CAPS2: variants seen among roughly 807,000 people sequenced by gnomAD.
The protein encoded by CAPS2 is calcyphosin-2.
Under a neutral mutation model 86.5 loss-of-function variants are expected in CAPS2, and 98 were observed. That is an observed-to-expected ratio of 1.13 (90% CI 0.96 to 1.34). The LOEUF (loss-of-function observed/expected upper bound fraction) is 1.34, where lower values mean the gene tolerates loss of function less well. Ranked by LOEUF, CAPS2 falls within the 40% of genes most tolerant of loss-of-function variation. The pLI, the probability that CAPS2 is intolerant of heterozygous loss-of-function variation, is 0.00. For synonymous variants in CAPS2, 210 were observed against 225.1 expected, an observed-to-expected ratio of 0.93 and a Z score of 0.60; for missense variants, 729 against 686.8, an observed-to-expected ratio of 1.06 and a Z score of -0.69.
intron 1 of CAPS2, among the ~76,000 whole-genome samples, chr12:75,350,191 G>C (rs1462493038): frequency 6.6e-6 from 1 of 152,248 alleles, no homozygotes. Flanking sequence ...GCCTACCTGA[G>C]GGATTTTCAG....
At position 75,296,385 on chromosome 12, in the gene CAPS2, G is replaced by T. The variant is rs188792206; in HGVS notation, c.1044+2302C>A. The stretch of plus-strand genomic sequence containing the variant: ...CAGCTCACTGCAAGCTCCGCCTCCT[G>T]GGTTCACGCCATTCTCCTGCCTCAG... On this transcript the variant is annotated intron_variant, in intron 11 of 16. Coordinates refer to ENST00000393284, the Ensembl canonical transcript of CAPS2. 1.3e-3 allele frequency among the ~76,000 whole-genome samples: 193 copies of T among 152,074 alleles called. 2 individuals carry two copies. Among genetic ancestry groups the T allele is most frequent in the African/African-American group, 4.4e-3 (181 of 41,458 alleles).
intron 11 of CAPS2, among the ~76,000 whole-genome samples, chr12:75,297,328 G>C: frequency 6.6e-6 from 1 of 152,174 alleles, no homozygotes; most frequent in East Asian, 1.9e-4. Flanking sequence ...AGTGTCATAT[G>C]TATAGTGTAT....
intron 1 of CAPS2, among the ~76,000 whole-genome samples, chr12:75,355,778 C>A (rs2043117876): frequency 6.6e-6 from 1 of 152,126 alleles, no homozygotes; most frequent in South Asian, 2.1e-4. Flanking sequence ...ACATATACAA[C>A]ATGGAATACT....
chr12:75,370,574 T>G (rs1419797400), intron 1 of CAPS2: 1 of 155,546 alleles, frequency 6.4e-6, no homozygotes, highest in Non-Finnish European at 1.4e-5. Flanking sequence ...CTGAGGAAAG[T>G]TTTTTCAGAT....
chr12:75,304,912 T>A (rs773110136), intron 7 of CAPS2, 36 bp from the exon 8 acceptor site: 3 of 1,593,190 alleles, frequency 1.9e-6, no homozygotes, highest in Non-Finnish European at 2.6e-6. Context: ...CAATTAAATA[T>A]GATCATGCAT....
intron 7 of CAPS2, among the ~76,000 whole-genome samples, chr12:75,305,265 A>C (rs1189616870): frequency 2.6e-5 from 4 of 152,224 alleles, no homozygotes; most frequent in Admixed American, 2.0e-4. Context: ...CAAACATAGA[A>C]GAGAATACCT....
At chr12:75,365,696 A>G (rs536238822) in intron 1 of CAPS2, among the ~76,000 whole-genome samples, 1 of 152,266 alleles carries the variant, frequency 6.6e-6, no homozygotes, top group Non-Finnish European at 1.5e-5. Flanking sequence ...CTCATTATTT[A>G]ATAGTTCACC....
At chr12:75,390,799 C>T (rs1593985342) in intron 1 of CAPS2, 3 of 557,366 alleles carry the variant, frequency 5.4e-6, no homozygotes, top group East Asian at 9.0e-5. Flanking sequence ...TTCGGGATAA[C>T]ATTTCACTAC....
At chr12:75,320,770 C>T (rs1453940890) in intron 5 of CAPS2, among the ~76,000 whole-genome samples, 1 of 151,778 alleles carries the variant, frequency 6.6e-6, no homozygotes, top group South Asian at 2.1e-4. Context: ...TTTATGGCCA[C>T]TAGTATCATG....
intron 1 of CAPS2, among the ~76,000 whole-genome samples, chr12:75,355,915 G>A (rs1354522455): frequency 1.3e-5 from 2 of 152,178 alleles, no homozygotes; most frequent in African/African-American, 4.8e-5. Flanking sequence ...ATTTACAAAT[G>A]GGAGCTGAAC....
At chr12:75,323,125 G>T in intron 3 of CAPS2, 52 bp downstream of exon 4, 1 of 1,480,768 alleles carries the variant, frequency 6.8e-7, no homozygotes, top group Non-Finnish European at 9.2e-7. Flanking sequence ...TATATGCTAT[G>T]TGTAATATTG....
chr12:75,331,737 G>A (rs562319613), upstream of CAPS2, among the ~76,000 whole-genome samples: 1 of 151,850 alleles, frequency 6.6e-6, no homozygotes, highest in South Asian at 2.1e-4. Context: ...CTAATTTTTT[G>A]TATTTTTAGT....
At chr12:75,297,099 T>C (rs2037037969) in intron 11 of CAPS2, among the ~76,000 whole-genome samples, 1 of 152,200 alleles carries the variant, frequency 6.6e-6, no homozygotes, top group Non-Finnish European at 1.5e-5. Context: ...CTTTCTTTCT[T>C]TCTTTCCTTT....
At chr12:75,380,519 CAAT>C (rs149832501) in intron 1 of CAPS2, among the ~76,000 whole-genome samples, 6,140 of 152,114 alleles carry the variant, frequency 0.04, 138 homozygotes, top group East Asian at 0.056. Flanking sequence ...AAGAATAACT[CAAT>C]AAATATTTAT....
At chr12:75,378,290 G>T (rs2044769062) in intron 1 of CAPS2, among the ~76,000 whole-genome samples, 1 of 152,196 alleles carries the variant, frequency 6.6e-6, no homozygotes, top group African/African-American at 2.4e-5. Flanking sequence ...ATGAGCCACT[G>T]CGCCTGGCCG....
At chr12:75,374,974 G>C (rs1293194893) in intron 1 of CAPS2, among the ~76,000 whole-genome samples, 1 of 152,212 alleles carries the variant, frequency 6.6e-6, no homozygotes, top group Non-Finnish European at 1.5e-5. Context: ...GCTGAATGGG[G>C]ATGTGGTGGG....
chr12:75,335,498 TC>T (rs2041667846), intron 1 of CAPS2, among the ~76,000 whole-genome samples: 1 of 152,220 alleles, frequency 6.6e-6, no homozygotes, highest in South Asian at 2.1e-4. Context: ...TGTAACTTTT[TC>T]TTGTTTATAA....
intron 1 of CAPS2, among the ~76,000 whole-genome samples, chr12:75,340,040 T>C (rs909626396): frequency 2.0e-5 from 3 of 152,086 alleles, no homozygotes; most frequent in Admixed American, 6.6e-5. Context: ...ATTAGAATAA[T>C]GGTCTCCAAC....
intron 1 of CAPS2, among the ~76,000 whole-genome samples, chr12:75,351,027 A>G (rs1024403219): frequency 5.3e-5 from 8 of 152,230 alleles, no homozygotes; most frequent in Non-Finnish European, 7.3e-5. Context: ...GCTGTAAAAC[A>G]CAACACAAGA....
Sources: allele counts gnomAD v4.1 joint callset (sites outside exome capture counted in the v4.1 genomes callset), GRCh38; gene constraint gnomAD v4.1.1; transcripts MANE v1.5; gene names NCBI Gene and HGNC (gene_info 2026-07-23, HGNC 2026-07-21).